Variants in CDH23 observed in about 807,000 individuals in gnomAD.
CDH23 encodes the protein cadherin-23.
CDH23 carries 189 observed loss-of-function variants against 317.1 expected under a neutral mutation model. The observed-to-expected ratio is 0.60, with a 90% confidence interval of 0.53 to 0.67. The LOEUF (loss-of-function observed/expected upper bound fraction) is 0.67. CDH23 is among the 30% of genes least tolerant of loss of function. The pLI, the probability that CDH23 is intolerant of heterozygous loss-of-function variation, is 0.00. For synonymous variants in CDH23, 1,839 were observed against 1,876.8 expected (o/e 0.98, Z 0.52); for missense variants, 4,401 against 4,592.4 (o/e 0.96, Z 1.20).
rs866303282 is a variant in CDH23, at chr10:71,803,332, C to T, written c.7784C>T (p.Thr2595Ile). Residue 2595 changes from threonine to isoleucine, a missense_variant, in exon 55 of 70, where the codon ACC (threonine) becomes ATC (isoleucine). Transcript: ENST00000224721. ...GGAGAGCCCCCACTCTGGGGCACCA[C>T]CATGCTCCTGGTGGAGGTCATCGAC... ...DGGEPPLWGT[T>I]MLLVEVIDVN... is the part of the protein sequence containing the mutation. The T allele has an allele frequency of 6.3e-7, 1 of 1,596,008 alleles. No homozygotes were observed. Among genetic ancestry groups the T allele is most frequent in the Admixed American group, 1.7e-5 (1 of 57,838 alleles).
At chr10:71,702,431 C>T in intron 23 of CDH23, 118 bp from the exon 24 acceptor site, 1 of 1,341,286 alleles carries the variant, frequency 7.5e-7, no homozygotes, top group Non-Finnish European at 1.0e-6. Flanking sequence ...CCTGGAGGGG[C>T]CTTTGGGATG....
chr10:71,556,968 A>G (rs1368371078), intron 6 of CDH23, among the ~76,000 whole-genome samples: 1 of 152,126 alleles, frequency 6.6e-6, no homozygotes, highest in Non-Finnish European at 1.5e-5. Flanking sequence ...TACTCTTAAC[A>G]TTCACTGAAC....
At chr10:71,519,428 G>A (rs914027954) in intron 6 of CDH23, among the ~76,000 whole-genome samples, 2 of 152,392 alleles carry the variant, frequency 1.3e-5, no homozygotes. Context: ...CTGCCTGTAT[G>A]CCTTTTCCTC....
intron 8 of CDH23, among the ~76,000 whole-genome samples, chr10:71,576,105 C>T (rs1348638726): frequency 6.6e-6 from 1 of 152,220 alleles, no homozygotes; most frequent in Non-Finnish European, 1.5e-5. Flanking sequence ...CATGCAGGAG[C>T]CCAGCACGGG....
intron 9 of CDH23, among the ~76,000 whole-genome samples, chr10:71,604,216 A>C (rs916781199): frequency 6.6e-6 from 1 of 152,174 alleles, no homozygotes; most frequent in African/African-American, 2.4e-5. Flanking sequence ...CAGGAGTTTG[A>C]GGCTGCAATG....
rs1470977513 is a variant in CDH23 at position 71,799,966 on chromosome 10, G to A, written c.7362+337G>A. ...TTTTGAGACAGTCAGAAAAGAAGCA[G>A]GGGAAGCACTGCAGAAAGTGGGCAC... On this transcript the variant is annotated intron_variant, in intron 52 of 69. Coordinates refer to ENST00000224721, the MANE Select transcript of CDH23 (RefSeq NM_022124.6). Among the ~76,000 whole-genome samples, 9 of 152,230 alleles carry A rather than the reference G, an allele frequency of 5.9e-5. No homozygotes were observed. In the East Asian group the frequency reaches 1.7e-3, roughly 29 times the overall value.
chr10:71,487,698 T>C (rs1487263830), intron 3 of CDH23, among the ~76,000 whole-genome samples: 8 of 152,188 alleles, frequency 5.3e-5, no homozygotes, highest in Admixed American at 3.3e-4. Flanking sequence ...ATGAAATAAT[T>C]CATGGTGTGG....
chr10:71,507,717 T>G (rs891200944), intron 3 of CDH23, among the ~76,000 whole-genome samples: 1 of 152,170 alleles, frequency 6.6e-6, no homozygotes, highest in African/African-American at 2.4e-5. Context: ...AATTAATCAA[T>G]CAAATGCTGC....
At chr10:71,741,011 A>G in intron 37 of CDH23, 61 bp downstream of exon 37, 1 of 1,595,878 alleles carries the variant, frequency 6.3e-7, no homozygotes, top group Non-Finnish European at 8.6e-7. Context: ...GCACGAGCCA[A>G]CCATGCAGCC....
At chr10:71,734,197 G>C (rs1014213185) in intron 32 of CDH23, 43 bp from the exon 33 acceptor site, 5 of 1,510,366 alleles carry the variant, frequency 3.3e-6, no homozygotes, top group Admixed American at 3.7e-5. Context: ...GGGTTAACAA[G>C]GGTGCGATGT....
chr10:71,465,688 A>G (rs988744864), intron 3 of CDH23, among the ~76,000 whole-genome samples: 4 of 152,216 alleles, frequency 2.6e-5, no homozygotes, highest in African/African-American at 4.8e-5. Context: ...CCCCACAGCT[A>G]CTATGAATTC....
At chr10:71,782,204 C>A (rs111589260) in intron 41 of CDH23, among the ~76,000 whole-genome samples, 89 of 152,344 alleles carry the variant, frequency 5.8e-4, no homozygotes, top group African/African-American at 2.0e-3. Context: ...TGCACTTGAG[C>A]CTCTCCCGCC....
At chr10:71,472,422 C>G (rs140226539) in intron 3 of CDH23, among the ~76,000 whole-genome samples, 2 of 152,232 alleles carry the variant, frequency 1.3e-5, no homozygotes, top group Non-Finnish European at 2.9e-5. Flanking sequence ...CTCTATCACC[C>G]GTGTGACCGA....
intron 28 of CDH23, chr10:71,713,222 C>T (rs1238619373): frequency 1.3e-6 from 1 of 779,216 alleles, no homozygotes; most frequent in South Asian, 1.3e-5. Flanking sequence ...AGGCTCCCCT[C>T]TTGGGAAGTA....
intron 3 of CDH23, among the ~76,000 whole-genome samples, chr10:71,452,834 G>C (rs1474225831): frequency 6.6e-6 from 1 of 152,230 alleles, no homozygotes; most frequent in Admixed American, 6.5e-5. Context: ...GGCACTTCAA[G>C]TGCATGGCCT....
At chr10:71,760,901 C>T in intron 38 of CDH23, 1 of 1,613,842 alleles carries the variant, frequency 6.2e-7, no homozygotes, top group Non-Finnish European at 8.5e-7. Flanking sequence ...GGGTACACCA[C>T]ACAGTTGGAT....
intron 28 of CDH23, among the ~76,000 whole-genome samples, chr10:71,723,671 G>T (rs1419087338): frequency 6.6e-6 from 1 of 152,186 alleles, no homozygotes; most frequent in South Asian, 2.1e-4. Context: ...GCCACCCTGG[G>T]AGAGGCTCCT....
Position 71,759,846 on chromosome 10 carries a change from C to CATATACACACACACACACAT in CDH23, c.4846-17828_4846-17809dup, listed in dbSNP as rs1564779127. On this transcript the variant is annotated intron_variant, in intron 38 of 69. Transcript: ENST00000224721. ...ACACACACACACACACACACACACA[C>CATATACACACACACACACAT]ATATACACACACACACACATATATA... 3.3e-5 allele frequency among the ~76,000 whole-genome samples: 2 copies of CATATACACACACACACACAT among 59,932 alleles called. 1 individual carries two copies. Among genetic ancestry groups the CATATACACACACACACACAT allele is most frequent in the Admixed American group, 3.7e-4 (2 of 5,346 alleles). The allele number at this position is 59,932 out of a possible 152,430, so 39.3% of individuals were successfully genotyped here.
chr10:71,663,373 G>T (rs1863757714), intron 14 of CDH23, among the ~76,000 whole-genome samples: 1 of 152,180 alleles, frequency 6.6e-6, no homozygotes. Flanking sequence ...TTCTCCCTCA[G>T]TTGCCTGCCG....
Sources: allele counts gnomAD v4.1 joint callset (sites outside exome capture counted in the v4.1 genomes callset), GRCh38; gene constraint gnomAD v4.1.1; transcripts MANE v1.5; gene names NCBI Gene and HGNC (gene_info 2026-07-23, HGNC 2026-07-21).